Variants in FSTL5 observed in about 807,000 individuals in gnomAD.
FSTL5 encodes the protein follistatin like 5.
A neutral mutation model predicts 89.1 loss-of-function variants in FSTL5; 62 were observed. The ratio of observed to expected loss-of-function variants is 0.70; its 90% CI spans 0.57 to 0.86. FSTL5 has a LOEUF of 0.86. FSTL5 is among the 40% of genes least tolerant of loss of function. The pLI, the probability that FSTL5 is intolerant of heterozygous loss-of-function variation, is 0.00. For synonymous variants in FSTL5, 383 were observed against 346.2 expected (o/e 1.11, Z -1.18); for missense variants, 1,057 against 1,001.6 (o/e 1.06, Z -0.75).
At chr4:162,020,120 A>C (rs1394599599) in intron 3 of FSTL5, among the ~76,000 whole-genome samples, 2 of 151,824 alleles carry the variant, frequency 1.3e-5, no homozygotes, top group African/African-American at 4.8e-5. Context: ...ATATCTTCAA[A>C]TTATAAATGA....
chr4:161,467,473 T>C (rs1733784297), intron 13 of FSTL5, among the ~76,000 whole-genome samples: 1 of 152,142 alleles, frequency 6.6e-6, no homozygotes, highest in African/African-American at 2.4e-5. Flanking sequence ...TAAATGTAAA[T>C]GTGTGATGTC....
chr4:161,699,084 C>T (rs1391028761), intron 6 of FSTL5, among the ~76,000 whole-genome samples: 1 of 152,108 alleles, frequency 6.6e-6, no homozygotes, highest in African/African-American at 2.4e-5. Flanking sequence ...ATTCCTGGGC[C>T]TGCAATTAGC....
At chr4:161,836,489 A>T (rs1004429583) in intron 4 of FSTL5, among the ~76,000 whole-genome samples, 1 of 151,970 alleles carries the variant, frequency 6.6e-6, no homozygotes, top group African/African-American at 2.4e-5. Context: ...AAAGAAAAAA[A>T]AAAGTAAGAA....
At chr4:161,841,412 A>G (rs1731208482) in intron 4 of FSTL5, among the ~76,000 whole-genome samples, 1 of 152,238 alleles carries the variant, frequency 6.6e-6, no homozygotes. Context: ...ATCTGATGAT[A>G]TTAAAATAAC....
chr4:162,080,956 A>G (rs1379807340), intron 2 of FSTL5, among the ~76,000 whole-genome samples: 2 of 151,678 alleles, frequency 1.3e-5, no homozygotes, highest in African/African-American at 4.8e-5. Flanking sequence ...TTGGTTTAAA[A>G]AGTATTATTC....
chr4:162,157,697 C>G (rs1456311575), intron 1 of FSTL5, among the ~76,000 whole-genome samples: 1 of 152,070 alleles, frequency 6.6e-6, no homozygotes, highest in Non-Finnish European at 1.5e-5. Flanking sequence ...TAAAGTTAAA[C>G]ATTCTTAAGA....
At chr4:162,092,546 C>A (rs888256130) in intron 2 of FSTL5, among the ~76,000 whole-genome samples, 1 of 152,058 alleles carries the variant, frequency 6.6e-6, no homozygotes, top group Non-Finnish European at 1.5e-5. Context: ...AGCAATAATA[C>A]AACACTGAAA....
At chr4:161,675,412 G>A (rs887508039) in intron 6 of FSTL5, among the ~76,000 whole-genome samples, 2 of 150,790 alleles carry the variant, frequency 1.3e-5, no homozygotes, top group African/African-American at 4.9e-5. Context: ...ATCTAAAACT[G>A]CTTAATTATC....
At chr4:161,642,883 G>T (rs1261066272) in intron 7 of FSTL5, among the ~76,000 whole-genome samples, 2 of 152,086 alleles carry the variant, frequency 1.3e-5, no homozygotes, top group Non-Finnish European at 2.9e-5. Flanking sequence ...GTTGGAGATG[G>T]TTGTATAACA....
intron 2 of FSTL5, 130 bp downstream of exon 2, chr4:162,111,140 TA>T: frequency 1.4e-6 from 1 of 727,092 alleles, no homozygotes; most frequent in Non-Finnish European, 2.1e-6. Context: ...ATGTGCATTT[TA>T]AAAATAATAT....
At chr4:161,392,161 G>A (rs1039934606) in intron 15 of FSTL5, among the ~76,000 whole-genome samples, 2 of 152,018 alleles carry the variant, frequency 1.3e-5, no homozygotes, top group Admixed American at 6.6e-5. Context: ...GATTAGTATT[G>A]CAGTATAAAG....
At chr4:161,867,353 C>A (rs1407616633) in intron 4 of FSTL5, among the ~76,000 whole-genome samples, 1 of 151,830 alleles carries the variant, frequency 6.6e-6, no homozygotes, top group Non-Finnish European at 1.5e-5. Flanking sequence ...TCTCAAATTA[C>A]TAATTACTAA....
chr4:162,146,982 A>T (rs563880658), intron 1 of FSTL5, among the ~76,000 whole-genome samples: 1 of 152,050 alleles, frequency 6.6e-6, no homozygotes, highest in East Asian at 1.9e-4. Context: ...AGGTTTCACC[A>T]TGTTGGCCAG....
rs1240577419 is a variant in FSTL5, at chr4:161,779,759, T to TTATATATATATATATATATA, written c.410-3686_410-3685insTATATATATATATATATATA. 3.0e-3 allele frequency among the ~76,000 whole-genome samples: 94 copies of TTATATATATATATATATATA among 31,140 alleles called. 10 individuals are homozygous for TTATATATATATATATATATA. Among genetic ancestry groups the TTATATATATATATATATATA allele is most frequent in the Non-Finnish European group, 3.7e-3 (73 of 19,974 alleles). The allele number at this position is 31,140 out of a possible 152,430, so 20.4% of individuals were successfully genotyped here. Reference sequence around the variant, plus strand: ...ATTTGTCCAAGGATTATTTGTAAAGTTATATATATATATATGTATATATAT... The same window carrying TTATATATATATATATATATA: ...ATTTGTCCAAGGATTATTTGTAAAGTTATATATATATATATATATATATATATATATATATGTATATATAT... On this transcript the variant is annotated intron_variant, in intron 4 of 15. Coordinates refer to ENST00000306100, the MANE Select transcript of FSTL5 (RefSeq NM_020116.5).
intron 4 of FSTL5, among the ~76,000 whole-genome samples, chr4:161,876,959 C>A (rs1415426179): frequency 2.6e-5 from 4 of 151,776 alleles, no homozygotes; most frequent in Non-Finnish European, 5.9e-5. Flanking sequence ...CCGAGACAGG[C>A]GGATCACCAG....
intron 6 of FSTL5, among the ~76,000 whole-genome samples, chr4:161,745,418 C>A (rs1388043034): frequency 2.6e-5 from 4 of 152,104 alleles, no homozygotes; most frequent in South Asian, 2.1e-4. Context: ...AATACAAAAT[C>A]TTTTTCTAAC....
At chr4:161,935,078 T>C (rs960272761) in intron 3 of FSTL5, among the ~76,000 whole-genome samples, 1 of 152,122 alleles carries the variant, frequency 6.6e-6, no homozygotes, top group Non-Finnish European at 1.5e-5. Context: ...CTATATTTCA[T>C]ATATTTTAGG....
intron 15 of FSTL5, among the ~76,000 whole-genome samples, chr4:161,428,462 C>T (rs1468569278): frequency 6.6e-6 from 1 of 152,200 alleles, no homozygotes; most frequent in Non-Finnish European, 1.5e-5. Context: ...GGACAGACTC[C>T]TTCCCTCTAA....
At chr4:161,809,720 A>G (rs1434424072) in intron 4 of FSTL5, among the ~76,000 whole-genome samples, 3 of 152,260 alleles carry the variant, frequency 2.0e-5, no homozygotes, top group South Asian at 2.1e-4. Context: ...CAAGTGAAAT[A>G]TCCATTCACA....
Sources: allele counts gnomAD v4.1 joint callset (sites outside exome capture counted in the v4.1 genomes callset), GRCh38; gene constraint gnomAD v4.1.1; transcripts MANE v1.5; gene names NCBI Gene and HGNC (gene_info 2026-07-23, HGNC 2026-07-21).